DMD: variants seen among roughly 807,000 people sequenced by gnomAD.
DMD encodes mutant dystrophin.
A neutral mutation model predicts 330.1 loss-of-function variants in DMD; 63 were observed. The observed-to-expected ratio is 0.19, with a 90% CI of 0.16 to 0.24. The LOEUF is 0.24. Ranked by LOEUF, DMD falls within the 10% of genes least tolerant of loss-of-function variation. The pLI is 1.00. For synonymous variants in DMD, 1,223 were observed against 959.8 expected, an observed-to-expected ratio of 1.27 and a Z score of -5.07; for missense variants, 3,344 against 2,684.1, an observed-to-expected ratio of 1.25 and a Z score of -5.43.
chrX:31,597,339 TTAATAA>T (rs2077155379), intron 55 of DMD, among the ~76,000 whole-genome samples: 1 of 112,201 alleles, frequency 8.9e-6, no homozygotes, highest in Non-Finnish European at 1.9e-5. Context: ...TTTTAAATTG[TTAATAA>T]TAATATGTTA....
intron 1 of DMD, among the ~76,000 whole-genome samples, chrX:33,089,506 C>T (rs2148298651): frequency 9.1e-6 from 1 of 109,934 alleles, no homozygotes; most frequent in South Asian, 3.9e-4. Context: ...CCAGCCTGGG[C>T]ATCATAGTGA....
intron 62 of DMD, among the ~76,000 whole-genome samples, chrX:31,306,674 G>A (rs1347009401): frequency 2.7e-5 from 3 of 111,741 alleles, no homozygotes; most frequent in Non-Finnish European, 3.8e-5. Flanking sequence ...AAAGTACTAC[G>A]TATAAATTAA....
intron 44 of DMD, among the ~76,000 whole-genome samples, chrX:31,970,000 G>C (rs2095384861): frequency 1.8e-5 from 2 of 111,842 alleles, no homozygotes; most frequent in Admixed American, 9.5e-5. Context: ...CTTAGTAATA[G>C]AGACACCAGT....
At chrX:32,764,196 A>C (rs2072681660) in intron 7 of DMD, among the ~76,000 whole-genome samples, 1 of 110,934 alleles carries the variant, frequency 9.0e-6, no homozygotes, top group African/African-American at 3.3e-5. Context: ...ACAATTGAGC[A>C]CAACTACATT....
intron 51 of DMD, among the ~76,000 whole-genome samples, chrX:31,737,428 C>A (rs1175130304): frequency 8.9e-6 from 1 of 112,825 alleles, no homozygotes; most frequent in East Asian, 2.8e-4. Context: ...GATGAGGAGG[C>A]TTTCCTCCTC....
intron 45 of DMD, among the ~76,000 whole-genome samples, chrX:31,960,064 T>A (rs1484303081): frequency 9.0e-6 from 1 of 110,502 alleles, no homozygotes; most frequent in Non-Finnish European, 1.9e-5. Flanking sequence ...TGGCCTTTTT[T>A]TTTTTTCTAA....
chrX:32,953,148 A>AAG (rs2091358626), intron 2 of DMD, among the ~76,000 whole-genome samples: 6 of 107,377 alleles, frequency 5.6e-5, no homozygotes, highest in African/African-American at 2.0e-4. Flanking sequence ...AAAAAAAAAA[A>AAG]AAGAAGAAGA....
intron 57 of DMD, among the ~76,000 whole-genome samples, chrX:31,483,198 C>T (rs748717579): frequency 1.7e-4 from 18 of 108,539 alleles, no homozygotes; most frequent in Middle Eastern, 4.7e-3. Flanking sequence ...AGGCGCCCGC[C>T]ACCACGCCCA....
chrX:32,732,873 G>A (rs1233577164), intron 7 of DMD, among the ~76,000 whole-genome samples: 1 of 110,406 alleles, frequency 9.1e-6, no homozygotes, highest in Non-Finnish European at 1.9e-5. Flanking sequence ...AAAATCACCA[G>A]CTAACATCAT....
intron 44 of DMD, among the ~76,000 whole-genome samples, chrX:32,139,272 T>G (rs1384876869): frequency 8.9e-6 from 1 of 111,762 alleles, no homozygotes; most frequent in Non-Finnish European, 1.9e-5. Flanking sequence ...AATATTACAA[T>G]CTCAGTCAAT....
chrX:31,434,451 C>G (rs747668349), intron 60 of DMD, among the ~76,000 whole-genome samples: 2 of 102,701 alleles, frequency 1.9e-5, no homozygotes, highest in South Asian at 9.0e-4. Flanking sequence ...CACACACACA[C>G]ACACACACAC....
chrX:31,182,716 T>G, intron 68 of DMD, 22 bp downstream of exon 68: 1 of 855,464 alleles, frequency 1.2e-6, no homozygotes, highest in East Asian at 5.1e-5. Context: ...AAAAATGACA[T>G]TTTTTTTTTG....
chrX:32,776,998 G>A (rs1478891461), intron 7 of DMD, among the ~76,000 whole-genome samples: 1 of 109,320 alleles, frequency 9.1e-6, no homozygotes, highest in African/African-American at 3.3e-5. Flanking sequence ...AAGCTAAATG[G>A]GTCATAAAAA....
At chrX:32,684,511 C>T (rs1283046671) in intron 9 of DMD, among the ~76,000 whole-genome samples, 3 of 111,129 alleles carry the variant, frequency 2.7e-5, no homozygotes, top group Non-Finnish European at 3.8e-5. Context: ...ATTATTACTC[C>T]TAAATTTAAA....
At position 32,222,924 on chromosome X, in the gene DMD, G is replaced by A. The variant is rs191811736; in HGVS notation, c.6291-5861C>T. ...CATTACATATATTTACTTTTTAAAT[G>A]CTTTTTGTTGTGAAACATAATATAG... On this transcript the variant is annotated intron_variant, in intron 43 of 78. Coordinates refer to ENST00000357033, the MANE Select transcript of DMD (RefSeq NM_004006.3). Among the ~76,000 whole-genome samples, 51 of 111,785 alleles carry A rather than the reference G, an allele frequency of 4.6e-4. 1 individual carries two copies. Among genetic ancestry groups the A allele is most frequent in the Non-Finnish European group, 9.0e-4 (48 of 53,080 alleles).
At chrX:31,932,413 AATG>A (rs2094867534) in intron 45 of DMD, among the ~76,000 whole-genome samples, 186 bp from the exon 46 acceptor site, 1 of 112,297 alleles carries the variant, frequency 8.9e-6, no homozygotes, top group Admixed American at 9.4e-5. Flanking sequence ...AGAATCTCTA[AATG>A]ATAAGAGATT....
In DMD at chrX:31,121,116, C is replaced by T. The variant is rs1322328496; in HGVS notation, c.*803G>A. On this transcript the variant is annotated 3_prime_UTR_variant, in exon 79 of 79. Transcript: ENST00000357033. ...CAAGCAGGTAAGCCTGGATGACTGA[C>T]TAGAAGTAATTTCTTTCTATTAGGA... The T allele has an allele frequency of 2.7e-5, 3 of 111,816 alleles. No individual in the cohort carries two copies. Among genetic ancestry groups the T allele is most frequent in the Non-Finnish European group, 5.6e-5 (3 of 53,099 alleles). The allele number at this position is 111,816 out of a possible 1,213,427, so 9.2% of individuals were successfully genotyped here.
At chrX:32,208,973 G>T (rs2097082694) in intron 44 of DMD, among the ~76,000 whole-genome samples, 1 of 111,637 alleles carries the variant, frequency 9.0e-6, no homozygotes, top group Non-Finnish European at 1.9e-5. Flanking sequence ...GGGATCATTT[G>T]TCTCAGGTAA....
intron 43 of DMD, among the ~76,000 whole-genome samples, chrX:32,230,096 C>T (rs997538512): frequency 2.7e-5 from 3 of 111,052 alleles, no homozygotes; most frequent in Non-Finnish European, 3.8e-5. Context: ...ACCATTTTTA[C>T]CTCCTATAAC....
Sources: gnomAD v4.1 joint callset for allele counts (sites outside exome capture counted in the v4.1 genomes callset) on GRCh38, gnomAD v4.1.1 for gene constraint, MANE v1.5 for transcripts, NCBI Gene and HGNC (gene_info 2026-07-23, HGNC 2026-07-21) for gene names.